Variants in PEX5L observed in about 807,000 individuals in gnomAD.
The protein encoded by PEX5L is peroxisomal biogenesis factor 5 like.
A neutral mutation model predicts 84.0 loss-of-function variants in PEX5L; 30 were observed. The observed-to-expected ratio is 0.36, with a 90% CI of 0.27 to 0.48. The LOEUF (loss-of-function observed/expected upper bound fraction) is 0.48, where lower values mean the gene tolerates loss of function less well. Among genes scored for constraint, PEX5L ranks in the 20% least tolerant of loss-of-function variants. The pLI, the probability that PEX5L is intolerant of heterozygous loss-of-function variation, is 0.99. For missense variants in PEX5L, 533 were observed against 754.6 expected, an observed-to-expected ratio of 0.71 and a Z score of 3.44; for synonymous variants, 270 against 283.1, an observed-to-expected ratio of 0.95 and a Z score of 0.46.
At chr3:179,913,048 G>C (rs1028428378) in intron 2 of PEX5L, among the ~76,000 whole-genome samples, 1 of 152,106 alleles carries the variant, frequency 6.6e-6, no homozygotes, top group Non-Finnish European at 1.5e-5. Flanking sequence ...AGAAAGACTT[G>C]CTAGTAAGAA....
At chr3:180,011,778 C>G (rs928688363) in intron 1 of PEX5L, among the ~76,000 whole-genome samples, 26 of 152,194 alleles carry the variant, frequency 1.7e-4, no homozygotes, top group African/African-American at 6.0e-4. Context: ...CTGCTCCCTT[C>G]CCTTTTTATC....
chr3:179,827,233 AC>A (rs1319686686), intron 8 of PEX5L, among the ~76,000 whole-genome samples: 1 of 152,170 alleles, frequency 6.6e-6, no homozygotes, highest in Non-Finnish European at 1.5e-5. Context: ...CCCGGGCGTG[AC>A]TTTTGAGGCT....
chr3:179,898,972 G>T (rs11918971), intron 2 of PEX5L, among the ~76,000 whole-genome samples: 44,438 of 151,776 alleles, frequency 0.29, 6,974 homozygotes, highest in East Asian at 0.61. Context: ...TGACGTAAAG[G>T]ATAATTAATA....
rs546373435 is a variant in PEX5L, at chr3:179,911,186, G to A, written c.94-12940C>T. The stretch of plus-strand genomic sequence containing the variant: ...TTGCTTTAACTGACAAAACAGAAGG[G>A]GAAGAAAACAGTTGTCAAGTGCCTG... On this transcript the variant is annotated intron_variant, in intron 2 of 14. Coordinates refer to ENST00000467460, the MANE Select transcript of PEX5L (RefSeq NM_016559.3). Among the ~76,000 whole-genome samples the A allele has an allele frequency of 9.9e-5, 15 of 152,262 alleles. No homozygotes were observed. In the South Asian group the frequency reaches 1.7e-3, roughly 17 times the overall value.
At chr3:179,817,795 T>C (rs1726732970) in intron 9 of PEX5L, among the ~76,000 whole-genome samples, 1 of 152,138 alleles carries the variant, frequency 6.6e-6, no homozygotes, top group African/African-American at 2.4e-5. Flanking sequence ...AAATGCCCCA[T>C]CAAAAGCCAC....
At chr3:179,838,146 CA>C (rs1326693931) in intron 8 of PEX5L, among the ~76,000 whole-genome samples, 1 of 152,146 alleles carries the variant, frequency 6.6e-6, no homozygotes, top group Non-Finnish European at 1.5e-5. Context: ...TGAAATTCTT[CA>C]AAATTTCTGG....
intron 1 of PEX5L, among the ~76,000 whole-genome samples, chr3:180,015,269 A>T (rs1789844869): frequency 6.6e-6 from 1 of 152,218 alleles, no homozygotes; most frequent in African/African-American, 2.4e-5. Flanking sequence ...CACATTTTTT[A>T]AATAATATTG....
At chr3:179,876,959 C>T (rs142889936) in intron 5 of PEX5L, among the ~76,000 whole-genome samples, 8 of 152,154 alleles carry the variant, frequency 5.3e-5, no homozygotes, top group Non-Finnish European at 8.8e-5. Context: ...AATTTAAACA[C>T]GAAATTCAAT....
intron 1 of PEX5L, among the ~76,000 whole-genome samples, chr3:180,031,614 C>CCAG (rs1791473560): frequency 6.6e-6 from 1 of 152,166 alleles, no homozygotes; most frequent in South Asian, 2.1e-4. Flanking sequence ...CTGGAGTTTA[C>CCAG]CTTTACATTT....
intron 2 of PEX5L, among the ~76,000 whole-genome samples, chr3:179,962,122 T>C (rs1414388211): frequency 1.8e-5 from 1 of 55,096 alleles, no homozygotes; most frequent in African/African-American, 4.9e-5. Context: ...AGTTAGGAGG[T>C]ATCTAATATA....
Position 179,802,035 on chromosome 3 carries a change from A to T in PEX5L, c.1677-3T>A. On this transcript the variant is annotated splice_region_variant and splice_polypyrimidine_tract_variant and intron_variant, in intron 14 of 14. Coordinates refer to ENST00000467460, the MANE Select transcript of PEX5L (RefSeq NM_016559.3). ...TGAGAAAATTGCTGACCGCTTCTCT[A>T]AGAAGGTAGAAAAACATATTTTAAA... is the stretch of plus-strand genomic sequence containing the variant. 6.2e-7 allele frequency: 1 copy of T among 1,601,468 alleles called. No homozygotes were observed. Among genetic ancestry groups the T allele is most frequent in the Non-Finnish European group, 8.6e-7 (1 of 1,168,854 alleles).
intron 2 of PEX5L, among the ~76,000 whole-genome samples, chr3:179,965,261 G>A (rs1382885618): frequency 1.3e-5 from 2 of 152,198 alleles, no homozygotes; most frequent in Non-Finnish European, 2.9e-5. Context: ...CAGGAGGCAC[G>A]AGTTACAGAG....
At chr3:179,895,232 GA>G (rs1758869060) in intron 3 of PEX5L, among the ~76,000 whole-genome samples, 1 of 152,022 alleles carries the variant, frequency 6.6e-6, no homozygotes, top group South Asian at 2.1e-4. Flanking sequence ...TCGTTAATGT[GA>G]TAGTTTACAC....
At chr3:179,848,173 T>C (rs1015509931) in intron 8 of PEX5L, among the ~76,000 whole-genome samples, 2 of 152,082 alleles carry the variant, frequency 1.3e-5, no homozygotes, top group South Asian at 2.1e-4. Flanking sequence ...TACTGATGAT[T>C]GATTTATACA....
chr3:179,976,649 G>T (rs573414077), intron 1 of PEX5L, among the ~76,000 whole-genome samples: 13 of 152,262 alleles, frequency 8.5e-5, no homozygotes, highest in African/African-American at 2.9e-4. Context: ...TGTTGGCCAG[G>T]ATGGTCTCAA....
chr3:179,843,916 T>C (rs933214952), intron 8 of PEX5L, among the ~76,000 whole-genome samples: 4 of 152,186 alleles, frequency 2.6e-5, no homozygotes, highest in Admixed American at 6.5e-5. Flanking sequence ...ATTAAATGGG[T>C]TCAGGATGGA....
chr3:179,905,047 T>C (rs747090551), intron 2 of PEX5L, among the ~76,000 whole-genome samples: 2 of 152,210 alleles, frequency 1.3e-5, no homozygotes, highest in Non-Finnish European at 2.9e-5. Flanking sequence ...TTTTTTTAAA[T>C]TGACAAACAA....
chr3:179,856,280 A>G (rs1743908374), intron 8 of PEX5L, among the ~76,000 whole-genome samples: 1 of 152,220 alleles, frequency 6.6e-6, no homozygotes, highest in Admixed American at 6.5e-5. Context: ...ATCATTTTAC[A>G]AAGTTGGGAT....
rs1407068432 is a variant in PEX5L, at chr3:179,801,671, A to T, written c.*157T>A. On this transcript the variant is annotated 3_prime_UTR_variant, in exon 15 of 15. Transcript: ENST00000467460. ...TTTGTGCTTTTGGATCTGAACAGAG[A>T]CTGGGCATTGTCCACAGGAATTAAT... 2 of 630,558 alleles carry T rather than the reference A, an allele frequency of 3.2e-6. No homozygotes were observed. Among genetic ancestry groups the T allele is most frequent in the Non-Finnish European group, 2.8e-6 (1 of 355,718 alleles). 39.1% of individuals were successfully genotyped at this position (630,558 alleles called of 1,614,324 possible). A position where few individuals can be genotyped will look rare whatever the true frequency, so the allele number is the denominator to read the frequency against.
Sources: allele counts gnomAD v4.1 joint callset (sites outside exome capture counted in the v4.1 genomes callset), GRCh38; gene constraint gnomAD v4.1.1; transcripts MANE v1.5; gene names NCBI Gene and HGNC (gene_info 2026-07-23, HGNC 2026-07-21).